Variants in FRAS1 observed in about 807,000 individuals in gnomAD.
FRAS1 encodes the protein extracellular matrix organizing protein FRAS1.
A neutral mutation model predicts 435.2 loss-of-function variants in FRAS1; 290 were observed. The observed-to-expected ratio is 0.67, with a 90% CI of 0.61 to 0.73. The LOEUF (loss-of-function observed/expected upper bound fraction) is 0.73. Among genes scored for constraint, FRAS1 ranks in the 30% least tolerant of loss-of-function variants. FRAS1 has a pLI of 0.00. For missense variants in FRAS1, 4,860 were observed against 5,001.5 expected, an observed-to-expected ratio of 0.97 and a Z score of 0.85; for synonymous variants, 1,800 against 1,851.0, an observed-to-expected ratio of 0.97 and a Z score of 0.71.
intron 70 of FRAS1, among the ~76,000 whole-genome samples, chr4:78,528,936 A>G (rs1202219421): frequency 2.0e-5 from 3 of 152,028 alleles, no homozygotes; most frequent in Non-Finnish European, 4.4e-5. Flanking sequence ...TGTGGTTGGG[A>G]GGTCCTGGTG....
chr4:78,324,278 T>G (rs1729631628), intron 18 of FRAS1, among the ~76,000 whole-genome samples: 1 of 152,210 alleles, frequency 6.6e-6, no homozygotes, highest in Admixed American at 6.5e-5. Flanking sequence ...TGAATAATTT[T>G]TATAGTATAA....
At position 78,363,565 on chromosome 4, in the gene FRAS1, C is replaced by T. The variant is rs748485291; in HGVS notation, c.2475C>T (p.Ser825=). The T allele has an allele frequency of 1.9e-6, 3 of 1,613,044 alleles. No individual in the cohort carries two copies. The highest frequency in any genetic ancestry group is 1.3e-5 in the African/African-American group (1 of 74,926). The part of the protein sequence containing the change: ...HCAADLHNTG[S]ICLRCQNAHY... ...CAGCTGATCTCCACAACACTGGGAG[C>T]ATCTGCCTCAGGTGCCAGAATGCCC... The change falls in exon 21 of 74, where the codon AGC becomes AGT. Residue 825 remains serine, a synonymous_variant. Coordinates refer to ENST00000512123, the MANE Select transcript of FRAS1 (RefSeq NM_025074.7).
At chr4:78,422,302 C>T (rs892821644) in intron 34 of FRAS1, among the ~76,000 whole-genome samples, 10 of 151,884 alleles carry the variant, frequency 6.6e-5, no homozygotes, top group African/African-American at 2.4e-4. Flanking sequence ...ATAGATTCTG[C>T]TCTTGGTGGT....
At chr4:78,194,983 T>C (rs917025018) in intron 2 of FRAS1, among the ~76,000 whole-genome samples, 9 of 152,220 alleles carry the variant, frequency 5.9e-5, no homozygotes, top group Non-Finnish European at 1.2e-4. Context: ...TTAGTTTTCC[T>C]TCTAACAGTC....
intron 20 of FRAS1, among the ~76,000 whole-genome samples, chr4:78,342,957 G>A (rs1973256): frequency 1.3e-5 from 2 of 152,236 alleles, no homozygotes; most frequent in Non-Finnish European, 2.9e-5. Flanking sequence ...GTGTGAGAAT[G>A]TGAGCAAAAG....
chr4:78,457,325 G>A (rs544161237), intron 47 of FRAS1, among the ~76,000 whole-genome samples: 80 of 152,322 alleles, frequency 5.3e-4, no homozygotes, highest in African/African-American at 1.8e-3. Context: ...CCACAGGGGG[G>A]CAGTGGCAGG....
intron 71 of FRAS1, among the ~76,000 whole-genome samples, chr4:78,535,343 C>G (rs1721848222): frequency 1.3e-5 from 2 of 152,316 alleles, no homozygotes; most frequent in Middle Eastern, 3.4e-3. Context: ...TGCGGCCATT[C>G]CATAGGATTT....
intron 45 of FRAS1, 87 bp from the exon 46 acceptor site, chr4:78,451,685 G>A: frequency 9.2e-7 from 1 of 1,085,412 alleles, no homozygotes; most frequent in Non-Finnish European, 1.3e-6. Flanking sequence ...TCATTGGTGT[G>A]AACACCAATT....
chr4:78,125,929 C>A (rs532845449), intron 2 of FRAS1, among the ~76,000 whole-genome samples: 1 of 152,184 alleles, frequency 6.6e-6, no homozygotes, highest in South Asian at 2.1e-4. Flanking sequence ...CAGGCAGGGA[C>A]GTTTAAGTCT....
intron 2 of FRAS1, among the ~76,000 whole-genome samples, chr4:78,156,825 CCTA>C (rs1030580047): frequency 6.6e-6 from 1 of 152,168 alleles, no homozygotes; most frequent in African/African-American, 2.4e-5. Flanking sequence ...GTGACTCTCT[CCTA>C]CTACGTCAGT....
rs186319056 is a variant in FRAS1 at position 78,163,549 on chromosome 4, A to G, written c.109-73961A>G. Among the ~76,000 whole-genome samples, 60 of 152,324 alleles carry G rather than the reference A, an allele frequency of 3.9e-4. 2 individuals are homozygous for G. The highest frequency in any genetic ancestry group is 1.4e-3 in the African/African-American group (58 of 41,590). The stretch of plus-strand genomic sequence containing the variant: ...TTCTAAGTTATGAGCACTTTCCAAA[A>G]GTTGTTTGGGACTCGGAATGCCATC... On this transcript the variant is annotated intron_variant, in intron 2 of 73. Coordinates refer to ENST00000512123, the MANE Select transcript of FRAS1 (RefSeq NM_025074.7).
chr4:78,345,253 G>T (rs115724750), intron 20 of FRAS1, among the ~76,000 whole-genome samples: 1,631 of 152,230 alleles, frequency 0.011, 13 homozygotes, highest in Non-Finnish European at 0.015. Context: ...ATCCCCGGAA[G>T]CCCCCCTGAA....
intron 2 of FRAS1, among the ~76,000 whole-genome samples, chr4:78,110,452 C>G (rs1009600005): frequency 1.0e-5 from 1 of 96,486 alleles, no homozygotes; most frequent in African/African-American, 4.6e-5. Flanking sequence ...TGCCGCATGT[C>G]TACAACTATC....
chr4:78,176,160 T>G (rs1721770817), intron 2 of FRAS1, among the ~76,000 whole-genome samples: 1 of 152,216 alleles, frequency 6.6e-6, no homozygotes, highest in African/African-American at 2.4e-5. Flanking sequence ...TGCAGTTAGC[T>G]TCCTATTATA....
chr4:78,243,741 AGGGC>A (rs1725111432), intron 3 of FRAS1, among the ~76,000 whole-genome samples: 1 of 152,084 alleles, frequency 6.6e-6, no homozygotes, highest in African/African-American at 2.4e-5. Context: ...ATGAGCTTTG[AGGGC>A]TAAATCTGAA....
At chr4:78,384,020 G>T in intron 27 of FRAS1, 39 bp from the exon 28 acceptor site, 2 of 1,421,490 alleles carry the variant, frequency 1.4e-6, no homozygotes, top group South Asian at 1.2e-5. Context: ...CTAATGTAAT[G>T]ATTGTATTTT....
At chr4:78,216,651 G>A (rs927733272) in intron 2 of FRAS1, among the ~76,000 whole-genome samples, 1 of 152,188 alleles carries the variant, frequency 6.6e-6, no homozygotes, top group Non-Finnish European at 1.5e-5. Flanking sequence ...TACTTTTAGG[G>A]CCTTATCTTC....
intron 61 of FRAS1, among the ~76,000 whole-genome samples, chr4:78,503,420 C>G (rs568482742): frequency 1.3e-5 from 2 of 152,190 alleles, no homozygotes; most frequent in Non-Finnish European, 2.9e-5. Context: ...AGAGATTCAA[C>G]TTCTTCCTGG....
intron 45 of FRAS1, among the ~76,000 whole-genome samples, chr4:78,450,708 T>A (rs1718993753): frequency 6.6e-6 from 1 of 152,140 alleles, no homozygotes. Flanking sequence ...GAGCAATTTA[T>A]ATCTCTTTTC....
Sources: gnomAD v4.1 joint callset for allele counts (sites outside exome capture counted in the v4.1 genomes callset) on GRCh38, gnomAD v4.1.1 for gene constraint, MANE v1.5 for transcripts, NCBI Gene and HGNC (gene_info 2026-07-23, HGNC 2026-07-21) for gene names.